PTK7: variants seen among roughly 807,000 people sequenced by gnomAD.
PTK7 encodes the protein protein tyrosine kinase 7 (inactive).
A neutral mutation model predicts 116.6 loss-of-function variants in PTK7; 39 were observed. The ratio of observed to expected loss-of-function variants is 0.33; its 90% CI spans 0.26 to 0.44. The LOEUF (loss-of-function observed/expected upper bound fraction) is 0.44. PTK7 is among the 20% of genes least tolerant of loss of function. PTK7 has a pLI of 1.00. For missense variants in PTK7, 1,169 were observed against 1,425.6 expected, an observed-to-expected ratio of 0.82 and a Z score of 2.90; for synonymous variants, 546 against 563.6, an observed-to-expected ratio of 0.97 and a Z score of 0.44.
chr6:43,142,170 A>G lies in PTK7; in HGVS notation c.1920-2A>G. On this transcript the variant is annotated splice_acceptor_variant, in intron 12 of 19. Coordinates refer to ENST00000230419, the MANE Select transcript of PTK7 (RefSeq NM_002821.5). LOFTEE classifies it high-confidence loss of function. Reference sequence around the variant, plus strand: ...CCAGCACTATGGCTTCTCCCCCGACAGGATGCACATCTTCCAGAATGGCTC... The same window carrying G: ...CCAGCACTATGGCTTCTCCCCCGACGGGATGCACATCTTCCAGAATGGCTC... The G allele has an allele frequency of 6.2e-7, 1 of 1,613,916 alleles. No homozygotes were observed. Among genetic ancestry groups the G allele is most frequent in the South Asian group, 1.1e-5 (1 of 91,072 alleles).
intron 17 of PTK7, among the ~76,000 whole-genome samples, chr6:43,157,826 A>C: frequency 6.6e-6 from 1 of 152,004 alleles, no homozygotes; most frequent in East Asian, 2.0e-4. Context: ...TGCTGGGTTC[A>C]AGCGATTCTT....
intron 1 of PTK7, among the ~76,000 whole-genome samples, chr6:43,095,438 T>C (rs1457511906): frequency 1.3e-5 from 2 of 150,268 alleles, no homozygotes; most frequent in Non-Finnish European, 3.0e-5. Context: ...TGTAGATGCG[T>C]GTGTCAAGCC....
At chr6:43,148,304 T>C (rs570795925) in intron 17 of PTK7, among the ~76,000 whole-genome samples, 26 of 152,186 alleles carry the variant, frequency 1.7e-4, no homozygotes, top group African/African-American at 5.8e-4. Context: ...GGGGCACTTA[T>C]GATCTAGTGA....
At chr6:43,140,738 AT>A (rs1400949145) in intron 10 of PTK7, among the ~76,000 whole-genome samples, 3 of 152,108 alleles carry the variant, frequency 2.0e-5, no homozygotes, top group African/African-American at 7.2e-5. Flanking sequence ...AAATTTAAAA[AT>A]TAGCCAGGCA....
At position 43,150,758 on chromosome 6, in the gene PTK7, C is replaced by G. The variant is rs1771013842; in HGVS notation, c.2721+4060C>G. ...CTGAGGCATTCTGAGGACGGTGCTG[C>G]AGGGGTTATTTTAGGGATGTAGACT... On this transcript the variant is annotated intron_variant, in intron 17 of 19. Coordinates refer to ENST00000230419, the MANE Select transcript of PTK7 (RefSeq NM_002821.5). 2.3e-5 allele frequency among the ~76,000 whole-genome samples: 3 copies of G among 132,206 alleles called. No individual in the cohort carries two copies. In the South Asian group the frequency reaches 7.8e-4, roughly 34 times the overall value. 86.7% of individuals were successfully genotyped at this position (132,206 alleles called of 152,430 possible).
chr6:43,095,134 C>T (rs974797290), intron 1 of PTK7, among the ~76,000 whole-genome samples: 7 of 135,304 alleles, frequency 5.2e-5, no homozygotes, highest in African/African-American at 1.4e-4. Context: ...CTGAGGCAGG[C>T]GGATCACCTG....
chr6:43,118,669 ATATATATATATATATATATGTATATATG>A (rs1339170013), intron 1 of PTK7, among the ~76,000 whole-genome samples: 8 of 102,988 alleles, frequency 7.8e-5, no homozygotes, highest in South Asian at 3.2e-4. Flanking sequence ...CTATATATAT[ATATATATATATATATATATGTATATATG>A]TATATATGTC....
intron 10 of PTK7, among the ~76,000 whole-genome samples, chr6:43,140,054 C>CA (rs1180875547): frequency 6.6e-6 from 1 of 152,190 alleles, no homozygotes; most frequent in African/African-American, 2.4e-5. Flanking sequence ...GTGGAGGCTG[C>CA]AGTGGGCCGA....
At chr6:43,077,078 G>A (rs1766077882) in intron 1 of PTK7, 9 of 1,259,804 alleles carry the variant, frequency 7.1e-6, no homozygotes, top group Middle Eastern at 2.8e-4. Context: ...GACGTTCCCG[G>A]CTTCCCTCCT....
chr6:43,082,015 G>C (rs930971622), intron 1 of PTK7, among the ~76,000 whole-genome samples: 1 of 152,120 alleles, frequency 6.6e-6, no homozygotes, highest in Non-Finnish European at 1.5e-5. Flanking sequence ...GCACCGCTAC[G>C]TATGAAGCTG....
rs201674266 is a variant in PTK7, at chr6:43,139,183, C to A, written c.1410C>A (p.Ser470Arg). ...VFKNGTLRINSVEVYDGTWYR... is the reference protein window; with the variant it reads ...VFKNGTLRINRVEVYDGTWYR... ...AGAATGGGACCTTGCGCATCAACAG[C>A]GTGGAGGTGTATGATGGGACATGGT... The change falls in exon 9 of 20, where the codon AGC (serine) becomes AGA (arginine). Residue 470 changes from serine to arginine, a missense_variant. Ser to Arg is a moderately radical substitution (Grantham distance 110). Transcript: ENST00000230419. This position sits in a 1 kb window ranked among gnomAD's most constrained non-coding sequence, Gnocchi z 4.6. 6.2e-7 allele frequency: 1 copy of A among 1,614,196 alleles called. No homozygotes were observed. The highest frequency in any genetic ancestry group is 8.5e-7 in the Non-Finnish European group (1 of 1,180,046).
chr6:43,143,735 T>C lies in PTK7; in HGVS notation c.2251+115T>C, dbSNP rs1258237911. The C allele has an allele frequency of 1.4e-5, 16 of 1,170,686 alleles. No individual in the cohort carries two copies. The highest frequency in any genetic ancestry group is 1.8e-5 in the Non-Finnish European group (15 of 847,460). 72.5% of individuals were successfully genotyped at this position (1,170,686 alleles called of 1,614,324 possible). On this transcript the variant is annotated intron_variant, in intron 14 of 19. Coordinates refer to ENST00000230419, the MANE Select transcript of PTK7 (RefSeq NM_002821.5). The surrounding 1 kb of genome is among the most constrained non-coding windows in gnomAD (Gnocchi z 4.2). ...AAACCGAGCGGCTGTTGCTGGGTCCTGGAGCTGGGACTGCCCCACCCCTAG... is the reference window on the plus strand; with the variant it reads ...AAACCGAGCGGCTGTTGCTGGGTCCCGGAGCTGGGACTGCCCCACCCCTAG...
At chr6:43,091,993 G>T (rs1766980185) in intron 1 of PTK7, among the ~76,000 whole-genome samples, 1 of 152,158 alleles carries the variant, frequency 6.6e-6, no homozygotes, top group African/African-American at 2.4e-5. Flanking sequence ...CCCCTGAGCA[G>T]CTGGGATTAC....
chr6:43,097,281 C>T (rs940275571), intron 1 of PTK7, among the ~76,000 whole-genome samples: 6 of 152,176 alleles, frequency 3.9e-5, no homozygotes, highest in Non-Finnish European at 5.9e-5. Flanking sequence ...ATCCTGCCCC[C>T]ACTTCCCTGG....
chr6:43,082,905 A>G (rs1766457027), intron 1 of PTK7, among the ~76,000 whole-genome samples: 1 of 152,236 alleles, frequency 6.6e-6, no homozygotes, highest in Non-Finnish European at 1.5e-5. Flanking sequence ...ACAACTTTTC[A>G]GGAATACATT....
chr6:43,109,157 C>T (rs1768056089), intron 1 of PTK7, among the ~76,000 whole-genome samples: 1 of 152,152 alleles, frequency 6.6e-6, no homozygotes, highest in Non-Finnish European at 1.5e-5. Context: ...TTAAGTGGTC[C>T]TATCATTGGC....
intron 18 of PTK7, among the ~76,000 whole-genome samples, chr6:43,159,203 A>T (rs1236339680): frequency 2.0e-5 from 3 of 152,016 alleles, no homozygotes; most frequent in African/African-American, 7.3e-5. Context: ...AAATAAATAA[A>T]CCTTTTTTAA....
At chr6:43,093,654 T>C (rs1377195235) in intron 1 of PTK7, among the ~76,000 whole-genome samples, 1 of 152,112 alleles carries the variant, frequency 6.6e-6, no homozygotes, top group Non-Finnish European at 1.5e-5. Context: ...TATTTTGTGC[T>C]ACCCAAGCAT....
At position 43,093,171 on chromosome 6, in the gene PTK7, T is replaced by A. The variant is rs926746238; in HGVS notation, c.79+16604T>A. On this transcript the variant is annotated intron_variant, in intron 1 of 19. Transcript: ENST00000230419. ...TGGAAAGAATACAGTGACTCTCTAA[T>A]GATAGGATCTCCTTTTTTTTTTTTT... is the stretch of plus-strand genomic sequence containing the variant. Among the ~76,000 whole-genome samples the A allele has an allele frequency of 4.0e-5, 6 of 148,800 alleles. No homozygotes were observed. The South Asian group carries it at 6.4e-4, about 16-fold the overall frequency.
Sources: gnomAD v4.1 joint callset for allele counts (sites outside exome capture counted in the v4.1 genomes callset) on GRCh38, gnomAD v4.1.1 for gene constraint, Gnocchi (gnomAD v3.1) non-coding constraint, MANE v1.5 for transcripts, NCBI Gene and HGNC (gene_info 2026-07-23, HGNC 2026-07-21) for gene names.